Variants in RBM11 observed in about 807,000 individuals in gnomAD.
RBM11 encodes RNA binding motif protein 11.
RBM11 carries 18 observed loss-of-function variants against 21.4 expected under a neutral mutation model. The observed-to-expected ratio is 0.84, with a 90% CI of 0.58 to 1.25. The LOEUF (loss-of-function observed/expected upper bound fraction) is 1.25, where lower values mean the gene tolerates loss of function less well. Among genes scored for constraint, RBM11 ranks in the 50% most tolerant of loss-of-function variants. RBM11 has a pLI of 0.00. For missense variants in RBM11, 294 were observed against 331.9 expected (o/e 0.89, Z 0.89); for synonymous variants, 120 against 116.3 (o/e 1.03, Z -0.20).
intron 2 of RBM11, 28 bp downstream of exon 2, chr21:14,219,753 A>G (rs1231687079): frequency 1.3e-6 from 2 of 1,537,084 alleles, no homozygotes; most frequent in East Asian, 2.3e-5. Flanking sequence ...TTAATCTTCA[A>G]AGTGTTTTGT....
intron 2 of RBM11, among the ~76,000 whole-genome samples, chr21:14,220,567 T>C (rs767037264): frequency 6.6e-6 from 1 of 152,208 alleles, no homozygotes; most frequent in Non-Finnish European, 1.5e-5. Flanking sequence ...TCTTTTGTAA[T>C]ACATGGTTGC....
In RBM11 at chr21:14,216,176, G is replaced by T; in HGVS notation, c.-11G>T. 2 of 1,610,682 alleles carry T rather than the reference G, an allele frequency of 1.2e-6. No individual in the cohort carries two copies. The highest frequency in any genetic ancestry group is 1.7e-6 in the Non-Finnish European group (2 of 1,177,776). ...TCAGCTCCTACTTCATTCTACGGCC[G>T]AGACCGGAGGATGTTCCCTGCTCAG... On this transcript the variant is annotated 5_prime_UTR_variant, in exon 1 of 5. Coordinates refer to ENST00000400577, the MANE Select transcript of RBM11 (RefSeq NM_144770.5).
chr21:14,225,321 A>G (rs142022390), intron 4 of RBM11, among the ~76,000 whole-genome samples: 32 of 152,344 alleles, frequency 2.1e-4, no homozygotes, highest in Non-Finnish European at 4.6e-4. Flanking sequence ...TATCATAGCA[A>G]TGAAGATTCT....
At chr21:14,226,233 A>G (rs943744507) in intron 4 of RBM11, among the ~76,000 whole-genome samples, 2 of 152,224 alleles carry the variant, frequency 1.3e-5, no homozygotes, top group Admixed American at 1.3e-4. Context: ...TATTAAAGTT[A>G]TAACATTTTA....
chr21:14,226,071 A>C (rs1979061158), intron 4 of RBM11, among the ~76,000 whole-genome samples: 1 of 152,106 alleles, frequency 6.6e-6, no homozygotes, highest in African/African-American at 2.4e-5. Flanking sequence ...TTTCAACTCT[A>C]AATTTGATGT....
intron 1 of RBM11, among the ~76,000 whole-genome samples, chr21:14,218,283 A>C (rs1487767530): frequency 6.6e-6 from 1 of 152,164 alleles, no homozygotes; most frequent in Non-Finnish European, 1.5e-5. Context: ...TCTGTATAAA[A>C]ATCACCAATT....
intron 1 of RBM11, among the ~76,000 whole-genome samples, chr21:14,217,160 C>T (rs1396003165): frequency 6.6e-6 from 1 of 152,166 alleles, no homozygotes; most frequent in East Asian, 1.9e-4. Context: ...CTGAGCCTGT[C>T]AATGAATTCC....
intron 4 of RBM11, among the ~76,000 whole-genome samples, chr21:14,225,685 A>G (rs1459484410): frequency 6.6e-6 from 1 of 152,102 alleles, no homozygotes; most frequent in Non-Finnish European, 1.5e-5. Flanking sequence ...TTTCTTAACT[A>G]TGGTAAAACA....
In RBM11 at chr21:14,227,496, A is replaced by G. The variant is rs1327007001; in HGVS notation, c.*203A>G. 2 of 552,618 alleles carry G rather than the reference A, an allele frequency of 3.6e-6. No individual in the cohort carries two copies. Among genetic ancestry groups the G allele is most frequent in the Middle Eastern group, 4.7e-4 (1 of 2,112 alleles). 34.2% of individuals were successfully genotyped at this position (552,618 alleles called of 1,614,324 possible). On this transcript the variant is annotated 3_prime_UTR_variant, in exon 5 of 5. Transcript: ENST00000400577. The stretch of plus-strand genomic sequence containing the variant: ...AATAGTATAATGTACCACTTTTTGT[A>G]TTTGTCATGATATTTTTGACCCATT...
rs115567983 is a variant in RBM11, at chr21:14,218,446, A to G, written c.97-1117A>G. On this transcript the variant is annotated intron_variant, in intron 1 of 4. Coordinates refer to ENST00000400577, the MANE Select transcript of RBM11 (RefSeq NM_144770.5). ...GAAAATATGGTGAATTCAGTTTCAA[A>G]TATGTTGAGATTGAAGTACAAAAAC... Among the ~76,000 whole-genome samples the G allele has an allele frequency of 9.9e-3, 1,508 of 152,252 alleles. 19 individuals are homozygous for G. The highest frequency in any genetic ancestry group is 0.031 in the African/African-American group (1,273 of 41,564).
In RBM11 at chr21:14,227,263, C is replaced by A; in HGVS notation, c.816C>A (p.Phe272Leu). ...NNRGNECSQK[F>L]RKSKKKKRY Reference sequence around the variant, plus strand: ...GAGGCAACGAATGTAGCCAAAAGTTCCGAAAGTCTAAGAAGAAGAAAAGAT... The same window carrying A: ...GAGGCAACGAATGTAGCCAAAAGTTACGAAAGTCTAAGAAGAAGAAAAGAT... Residue 272 changes from phenylalanine (F) to leucine (L), a missense_variant, in exon 5 of 5, where the codon TTC (phenylalanine) becomes TTA (leucine). Coordinates refer to ENST00000400577, the MANE Select transcript of RBM11 (RefSeq NM_144770.5). The A allele has an allele frequency of 1.2e-6, 2 of 1,612,748 alleles. No individual in the cohort carries two copies. The highest frequency in any genetic ancestry group is 1.7e-4 in the Middle Eastern group (1 of 6,058).
intron 3 of RBM11, 176 bp from the exon 4 acceptor site, chr21:14,224,262 A>T (rs1600964503): frequency 1.1e-6 from 1 of 932,154 alleles, no homozygotes; most frequent in Non-Finnish European, 1.6e-6. Flanking sequence ...TTAGGACTTT[A>T]ACAGCTGAAT....
intron 4 of RBM11, 105 bp downstream of exon 4, chr21:14,224,642 G>A: frequency 7.1e-7 from 1 of 1,417,926 alleles, no homozygotes; most frequent in Non-Finnish European, 9.3e-7. Flanking sequence ...TGGGATGAAG[G>A]CACAAGATGT....
chr21:14,220,660 T>G (rs1209512723), intron 2 of RBM11, among the ~76,000 whole-genome samples: 1 of 152,158 alleles, frequency 6.6e-6, no homozygotes. Flanking sequence ...TTGCCATTAC[T>G]TTTAATGTCT....
In RBM11 at chr21:14,219,732, C is replaced by A; in HGVS notation, c.259+7C>A. The A allele has an allele frequency of 6.4e-7, 1 of 1,557,246 alleles. No individual in the cohort carries two copies. The highest frequency in any genetic ancestry group is 1.8e-5 in the Admixed American group (1 of 55,652). The stretch of plus-strand genomic sequence containing the variant: ...AACGTGCAGTATCGATTTGGTAGGT[C>A]CTGTCACTGATTAATCTTCAAAGTG... On this transcript the variant is annotated splice_region_variant and intron_variant, in intron 2 of 4. Coordinates refer to ENST00000400577, the MANE Select transcript of RBM11 (RefSeq NM_144770.5).
chr21:14,225,577 A>G (rs1248286988), intron 4 of RBM11, among the ~76,000 whole-genome samples: 1 of 152,180 alleles, frequency 6.6e-6, no homozygotes, highest in East Asian at 1.9e-4. Flanking sequence ...CCCAACGTAT[A>G]TGTGAGCTTT....
chr21:14,226,590 A>G (rs868100698), intron 4 of RBM11, among the ~76,000 whole-genome samples: 9 of 150,472 alleles, frequency 6.0e-5, no homozygotes, highest in Admixed American at 2.0e-4. Context: ...ACTGCACTCC[A>G]GCATGGGCAA....
In RBM11 at chr21:14,227,527, C is replaced by T. The variant is rs2822446; in HGVS notation, c.*234C>T. The stretch of plus-strand genomic sequence containing the variant: ...CATGATATTTTTGACCCATTGGCAA[C>T]AAATAGACTATTGTCATTTTATTAG... On this transcript the variant is annotated 3_prime_UTR_variant, in exon 5 of 5. Transcript: ENST00000400577. The T allele has an allele frequency of 0.28, 137,987 of 487,528 alleles. 20,004 individuals carry two copies. The highest frequency in any genetic ancestry group is 0.37 in the East Asian group (10,554 of 28,358). 30.2% of individuals were successfully genotyped at this position (487,528 alleles called of 1,614,324 possible). A position where few individuals can be genotyped will look rare whatever the true frequency, so the allele number is the denominator to read the frequency against.
In RBM11 at chr21:14,226,917, A is replaced by T; in HGVS notation, c.470A>T (p.Tyr157Phe). The change falls in exon 5 of 5, where the codon TAC becomes TTC. Residue 157 changes from tyrosine (Y) to phenylalanine (F), a missense_variant. Physicochemically the swap from Tyr to Phe is conservative, Grantham distance 22 (BLOSUM62 3). Transcript: ENST00000400577. ...HVYNPVLQLP[Y>F]YEMTAPLPNS... The stretch of plus-strand genomic sequence containing the variant: ...TATAATCCAGTGCTGCAGCTTCCTT[A>T]CTATGAAATGACAGCTCCACTTCCT... The T allele has an allele frequency of 2.5e-6, 4 of 1,613,926 alleles. No homozygotes were observed. Among genetic ancestry groups the T allele is most frequent in the Non-Finnish European group, 3.4e-6 (4 of 1,179,838 alleles).
Sources: gnomAD v4.1 joint callset for allele counts (sites outside exome capture counted in the v4.1 genomes callset) on GRCh38, gnomAD v4.1.1 for gene constraint, MANE v1.5 for transcripts, NCBI Gene and HGNC (gene_info 2026-07-23, HGNC 2026-07-21) for gene names.